CADPS: variants seen among roughly 807,000 people sequenced by gnomAD.
The protein encoded by CADPS is calcium-dependent secretion activator 1.
CADPS carries 57 observed loss-of-function variants against 167.3 expected under a neutral mutation model. The observed-to-expected ratio is 0.34, with a 90% CI of 0.28 to 0.42. The LOEUF is 0.42. CADPS is among the 20% of genes least tolerant of loss of function. CADPS has a pLI of 1.00. For synonymous variants in CADPS, 676 were observed against 635.3 expected (o/e 1.06, Z -0.96); for missense variants, 1,414 against 1,738.1 (o/e 0.81, Z 3.32).
At chr3:62,706,387 T>C (rs1189026628) in intron 3 of CADPS, among the ~76,000 whole-genome samples, 2 of 152,138 alleles carry the variant, frequency 1.3e-5, no homozygotes, top group Non-Finnish European at 2.9e-5. Context: ...GATCACGGAC[T>C]TTGCAGTAGG....
chr3:62,515,567 C>G (rs2068771375), intron 16 of CADPS, among the ~76,000 whole-genome samples: 1 of 152,054 alleles, frequency 6.6e-6, no homozygotes, highest in Non-Finnish European at 1.5e-5. Context: ...CACTAACCTG[C>G]CATCGAGCTT....
chr3:62,540,560 G>A (rs2075520262), intron 11 of CADPS, among the ~76,000 whole-genome samples: 1 of 151,802 alleles, frequency 6.6e-6, no homozygotes, highest in South Asian at 2.1e-4. Flanking sequence ...TGCTCTTAGG[G>A]GAAAAAAATC....
At chr3:62,459,179 G>C (rs2059045310) in intron 26 of CADPS, among the ~76,000 whole-genome samples, 1 of 152,098 alleles carries the variant, frequency 6.6e-6, no homozygotes, top group Admixed American at 6.5e-5. Flanking sequence ...TTTTTTGGTT[G>C]GCCCATATGA....
intron 6 of CADPS, among the ~76,000 whole-genome samples, chr3:62,643,810 T>C (rs2067940401): frequency 6.6e-6 from 1 of 152,190 alleles, no homozygotes; most frequent in African/African-American, 2.4e-5. Context: ...AGGTTGTTCT[T>C]CCCCCATGTA....
intron 6 of CADPS, among the ~76,000 whole-genome samples, chr3:62,630,675 A>G (rs2065107671): frequency 6.6e-6 from 1 of 152,168 alleles, no homozygotes; most frequent in Non-Finnish European, 1.5e-5. Flanking sequence ...AAGTATTCCT[A>G]TGAAGAAAAT....
chr3:62,815,039 G>A (rs957438001), intron 1 of CADPS, among the ~76,000 whole-genome samples: 4 of 152,102 alleles, frequency 2.6e-5, no homozygotes, highest in African/African-American at 7.2e-5. Flanking sequence ...CTTTTTACAT[G>A]TATATAGTTT....
chr3:62,859,494 C>A (rs951659740), intron 1 of CADPS, among the ~76,000 whole-genome samples: 16 of 152,128 alleles, frequency 1.1e-4, no homozygotes, highest in African/African-American at 3.4e-4. Context: ...AATGGCAAAT[C>A]TACAATTGTC....
chr3:62,429,633 G>GCA (rs1272605452), intron 28 of CADPS, among the ~76,000 whole-genome samples: 24 of 151,750 alleles, frequency 1.6e-4, no homozygotes. Flanking sequence ...GTGTGTGTGT[G>GCA]CACACGCGTA....
chr3:62,672,111 C>T (rs760976059), intron 3 of CADPS, among the ~76,000 whole-genome samples: 9 of 151,926 alleles, frequency 5.9e-5, no homozygotes, highest in Non-Finnish European at 8.8e-5. Flanking sequence ...GTGATTCCAA[C>T]GTGCAGCCAG....
intron 1 of CADPS, among the ~76,000 whole-genome samples, chr3:62,828,089 T>C (rs1416995908): frequency 2.0e-5 from 3 of 152,146 alleles, no homozygotes; most frequent in Non-Finnish European, 1.5e-5. Context: ...TCGGTAGCAA[T>C]GGTGGGTTCC....
chr3:62,634,350 G>A (rs1655470480), intron 6 of CADPS, among the ~76,000 whole-genome samples: 1 of 152,122 alleles, frequency 6.6e-6, no homozygotes, highest in Non-Finnish European at 1.5e-5. Context: ...ATATAAAATA[G>A]TTTTAATGAA....
At chr3:62,718,386 C>G (rs140241574) in intron 3 of CADPS, among the ~76,000 whole-genome samples, 1 of 152,284 alleles carries the variant, frequency 6.6e-6, no homozygotes, top group African/African-American at 2.4e-5. Flanking sequence ...GTAGGTCAAA[C>G]AATTTCTACC....
intron 3 of CADPS, among the ~76,000 whole-genome samples, chr3:62,685,244 G>A (rs780692303): frequency 6.6e-6 from 1 of 151,916 alleles, no homozygotes; most frequent in Non-Finnish European, 1.5e-5. Context: ...TACTGAAATT[G>A]AGCAAAAACA....
chr3:62,562,256 G>C (rs1254408734), intron 9 of CADPS, among the ~76,000 whole-genome samples: 1 of 152,170 alleles, frequency 6.6e-6, no homozygotes, highest in Non-Finnish European at 1.5e-5. Flanking sequence ...ATGTGATGTA[G>C]TTGCGAATGA....
rs776683516 is a variant in CADPS at position 62,549,974 on chromosome 3, G to A, written c.1895C>T (p.Pro632Leu). The A allele has an allele frequency of 1.9e-5, 30 of 1,613,884 alleles. No individual in the cohort carries two copies. The highest frequency in any genetic ancestry group is 1.8e-4 in the South Asian group (16 of 91,064). ...GGCGTTGAGTTTCTGGACTTGGGTC[G>A]GGGGCACAGGCTTGTGTGACTGCCC... is the stretch of plus-strand genomic sequence containing the variant. ...ATGQSHKPVP[P>L]TQVQKLNAKG... The change falls in exon 11 of 30, where the codon CCG (proline) becomes CTG (leucine). Residue 632 changes from proline to leucine, a missense_variant. Coordinates refer to ENST00000383710, the MANE Select transcript of CADPS (RefSeq NM_003716.4).
intron 1 of CADPS, among the ~76,000 whole-genome samples, chr3:62,816,661 T>C (rs2094629707): frequency 6.6e-6 from 1 of 151,770 alleles, no homozygotes; most frequent in African/African-American, 2.4e-5. Flanking sequence ...CTCACTACCT[T>C]TGCAGGAACC....
chr3:62,796,997 A>C (rs1453084238), intron 1 of CADPS, among the ~76,000 whole-genome samples: 1 of 152,190 alleles, frequency 6.6e-6, no homozygotes, highest in South Asian at 2.1e-4. Flanking sequence ...AAGCATGCTT[A>C]TATTTACAAT....
At chr3:62,450,962 C>G (rs570684379) in intron 26 of CADPS, among the ~76,000 whole-genome samples, 1 of 152,202 alleles carries the variant, frequency 6.6e-6, no homozygotes, top group African/African-American at 2.4e-5. Flanking sequence ...CCTAAGCTGC[C>G]TATCATCCTA....
At chr3:62,838,386 T>G (rs1300294787) in intron 1 of CADPS, among the ~76,000 whole-genome samples, 2 of 152,172 alleles carry the variant, frequency 1.3e-5, no homozygotes, top group African/African-American at 4.8e-5. Context: ...CATATGATAT[T>G]CTCAAGGTCA....
Sources: allele counts gnomAD v4.1 joint callset (sites outside exome capture counted in the v4.1 genomes callset), GRCh38; gene constraint gnomAD v4.1.1; transcripts MANE v1.5; gene names NCBI Gene and HGNC (gene_info 2026-07-23, HGNC 2026-07-21).